Variants in LNPEP observed in about 807,000 individuals in gnomAD.
The protein encoded by LNPEP is leucyl-cystinyl aminopeptidase.
LNPEP carries 64 observed loss-of-function variants against 120.6 expected under a neutral mutation model. The observed-to-expected ratio is 0.53, with a 90% CI of 0.43 to 0.65. LNPEP has a LOEUF of 0.65. Among genes scored for constraint, LNPEP ranks in the 30% least tolerant of loss-of-function variants. LNPEP has a pLI of 0.00. For synonymous variants in LNPEP, 435 were observed against 425.4 expected (o/e 1.02, Z -0.28); for missense variants, 1,057 against 1,200.0 (o/e 0.88, Z 1.76).
intron 1 of LNPEP, among the ~76,000 whole-genome samples, chr5:96,962,488 G>A (rs1224358946): frequency 1.3e-5 from 2 of 152,026 alleles, no homozygotes; most frequent in Non-Finnish European, 2.9e-5. Flanking sequence ...CATTTAATTC[G>A]TATAACTCAA....
rs1260690794 is a variant in LNPEP, at chr5:97,029,340, C to T, written c.*807C>T. 6.6e-6 allele frequency: 1 copy of T among 152,152 alleles called. No individual in the cohort carries two copies. The highest frequency in any genetic ancestry group is 1.5e-5 in the Non-Finnish European group (1 of 67,996). The allele number at this position is 152,152 out of a possible 1,614,324, so 9.4% of individuals were successfully genotyped here. ...GGTGATAGTCCCCAGATCTGTACAC[C>T]TTTATCACTCCCTGCCGTAGATATA... On this transcript the variant is annotated 3_prime_UTR_variant, in exon 18 of 18. Transcript: ENST00000231368.
chr5:96,991,367 T>G (rs1221371340), intron 4 of LNPEP, among the ~76,000 whole-genome samples: 1 of 152,196 alleles, frequency 6.6e-6, no homozygotes. Context: ...TTTTAGTTCT[T>G]GAAGGAATCT....
chr5:97,012,193 G>A (rs1336765598), intron 11 of LNPEP, among the ~76,000 whole-genome samples: 1 of 152,072 alleles, frequency 6.6e-6, no homozygotes. Flanking sequence ...TGAAGACAAT[G>A]GAAAAATGTG....
At position 97,022,389 on chromosome 5, in the gene LNPEP, C is replaced by A. The variant is rs746946548; in HGVS notation, c.2466C>A (p.Ala822=). The A allele has an allele frequency of 8.7e-6, 14 of 1,613,750 alleles. No individual in the cohort carries two copies. The South Asian group carries it at 1.2e-4, about 14-fold the overall frequency. ...GTPSMRELRS[A]LLEFACTHNL... The stretch of plus-strand genomic sequence containing the variant: ...CATCTATGCGAGAGCTTCGGTCAGC[C>A]CTGCTAGAGTTTGCTTGCACCCACA... The change falls in exon 14 of 18, where the codon GCC becomes GCA. Residue 822 remains alanine, a synonymous_variant. Transcript: ENST00000231368.
chr5:97,011,317 G>T (rs1051336867), intron 11 of LNPEP: 2 of 427,906 alleles, frequency 4.7e-6, no homozygotes, highest in Admixed American at 1.3e-4. Flanking sequence ...CCTTGACCTA[G>T]TGATAGTTGA....
At chr5:97,001,782 T>C (rs1045336402) in intron 8 of LNPEP, among the ~76,000 whole-genome samples, 1 of 151,956 alleles carries the variant, frequency 6.6e-6, no homozygotes, top group Non-Finnish European at 1.5e-5. Flanking sequence ...TATCAATAGG[T>C]TGATAAGATG....
intron 13 of LNPEP, among the ~76,000 whole-genome samples, chr5:97,020,173 C>A (rs962685540): frequency 6.6e-6 from 1 of 152,106 alleles, no homozygotes; most frequent in Non-Finnish European, 1.5e-5. Flanking sequence ...CACAGTAAGT[C>A]ATTGCTAGGA....
chr5:96,972,821 G>A (rs759623934), intron 1 of LNPEP, among the ~76,000 whole-genome samples: 4 of 152,020 alleles, frequency 2.6e-5, no homozygotes, highest in African/African-American at 7.2e-5. Context: ...ATCATTGCTC[G>A]CTGATCTTCT....
At position 97,033,867 on chromosome 5, in the gene LNPEP, G is replaced by A. The variant is rs963077137; in HGVS notation, c.*5334G>A. On this transcript the variant is annotated 3_prime_UTR_variant, in exon 18 of 18. Coordinates refer to ENST00000231368, the MANE Select transcript of LNPEP (RefSeq NM_005575.3). ...CCTAATGAGCCATGGAGTTATGGAT[G>A]TATAACAATCTGTTCTCCCTTTACC... 3 of 152,044 alleles carry A rather than the reference G, an allele frequency of 2.0e-5. No individual in the cohort carries two copies. Among genetic ancestry groups the A allele is most frequent in the African/African-American group, 7.2e-5 (3 of 41,396 alleles). The allele number at this position is 152,044 out of a possible 1,614,324, so 9.4% of individuals were successfully genotyped here.
At chr5:97,011,354 T>C (rs1469498224) in intron 11 of LNPEP, 7 of 201,182 alleles carry the variant, frequency 3.5e-5, no homozygotes, top group African/African-American at 1.6e-4. Flanking sequence ...TACCTCAGCC[T>C]CCTGAGTAGC....
chr5:96,989,366 AATTATAT>A (rs1252378716), intron 4 of LNPEP, among the ~76,000 whole-genome samples: 1,024 of 25,996 alleles, frequency 0.039, 14 homozygotes, highest in African/African-American at 0.12. Flanking sequence ...TATTATATAT[AATTATAT>A]ATTATATATT....
chr5:96,968,434 A>T (rs1312071762), intron 1 of LNPEP, among the ~76,000 whole-genome samples: 1 of 152,100 alleles, frequency 6.6e-6, no homozygotes, highest in Middle Eastern at 3.2e-3. Context: ...TTGATTGTCC[A>T]GGGACTTACC....
At chr5:96,986,735 A>G in intron 4 of LNPEP, 65 bp downstream of exon 4, 1 of 1,439,832 alleles carries the variant, frequency 6.9e-7, no homozygotes, top group South Asian at 1.2e-5. Flanking sequence ...CTCTTGCTTT[A>G]ACGATTCCTG....
At chr5:96,995,114 A>G (rs934548105) in intron 6 of LNPEP, among the ~76,000 whole-genome samples, 1 of 152,202 alleles carries the variant, frequency 6.6e-6, no homozygotes, top group African/African-American at 2.4e-5. Context: ...CTCAAAAAAA[A>G]ATAGGTCATA....
chr5:96,994,006 G>A (rs777638335), intron 6 of LNPEP, 35 bp downstream of exon 6: 2 of 1,591,578 alleles, frequency 1.3e-6, no homozygotes, highest in South Asian at 2.2e-5. Flanking sequence ...TGTCACACCT[G>A]TGGTCTACTT....
chr5:97,005,714 A>G lies in LNPEP; in HGVS notation c.1786-359A>G, dbSNP rs536776377. ...TTATTCATATCTTGTAGATGTTAGT[A>G]TTGTGATTTGAAAGAATACTTATAC... On this transcript the variant is annotated intron_variant, in intron 9 of 17. Transcript: ENST00000231368. Among the ~76,000 whole-genome samples, 83 of 152,286 alleles carry G rather than the reference A, an allele frequency of 5.5e-4. No individual in the cohort carries two copies. In the South Asian group the frequency reaches 0.017, roughly 31 times the overall value.
chr5:96,940,507 AG>A (rs1241290082), intron 1 of LNPEP, among the ~76,000 whole-genome samples: 1 of 152,152 alleles, frequency 6.6e-6, no homozygotes, highest in African/African-American at 2.4e-5. Context: ...AATGAATAGA[AG>A]AACCTAGTTT....
chr5:97,020,916 C>T (rs1791178754), intron 13 of LNPEP, among the ~76,000 whole-genome samples: 2 of 152,082 alleles, frequency 1.3e-5, no homozygotes, highest in Admixed American at 1.3e-4. Context: ...CATGTGCCCT[C>T]ACCCCCCACC....
At chr5:96,985,526 T>G (rs1183291677) in intron 3 of LNPEP, among the ~76,000 whole-genome samples, 1 of 152,152 alleles carries the variant, frequency 6.6e-6, no homozygotes, top group Non-Finnish European at 1.5e-5. Context: ...GAGTAATATT[T>G]TCTGAGACAG....
Sources: allele counts gnomAD v4.1 joint callset (sites outside exome capture counted in the v4.1 genomes callset), GRCh38; gene constraint gnomAD v4.1.1; transcripts MANE v1.5; gene names NCBI Gene and HGNC (gene_info 2026-07-23, HGNC 2026-07-21).